The following GET4 variants were observed in gnomAD, a reference collection of about 807,000 sequenced individuals.
The protein encoded by GET4 is Golgi to ER traffic protein 4 homolog.
GET4 carries 20 observed loss-of-function variants against 40.0 expected under a neutral mutation model. The ratio of observed to expected loss-of-function variants is 0.50; its 90% confidence interval spans 0.35 to 0.73. GET4 has a LOEUF of 0.73. Ranked by LOEUF, GET4 falls within the 30% of genes least tolerant of loss-of-function variation. The pLI, the probability that GET4 is intolerant of heterozygous loss-of-function variation, is 0.01. For synonymous variants in GET4, 280 were observed against 194.6 expected (o/e 1.44, Z -3.65); for missense variants, 557 against 454.0 (o/e 1.23, Z -2.06).
chr7:889,806 C>T lies in GET4; in HGVS notation c.467-1122C>T, dbSNP rs1359445157. Among the ~76,000 whole-genome samples the T allele has an allele frequency of 3.5e-3, 119 of 33,578 alleles. 11 individuals are homozygous for T. Among genetic ancestry groups the T allele is most frequent in the African/African-American group, 0.018 (113 of 6,244 alleles). The allele number at this position is 33,578 out of a possible 152,430, so 22.0% of individuals were successfully genotyped here. On this transcript the variant is annotated intron_variant, in intron 4 of 8. Coordinates refer to ENST00000265857, the MANE Select transcript of GET4 (RefSeq NM_015949.3). ...GGCCTGGGAGTGGAGGGAGCGAGAG[C>T]GGGTGTTAGGACGGGGTCTGGGAGT...
chr7:882,842 T>C (rs1232485386), intron 1 of GET4: 2 of 152,272 alleles, frequency 1.3e-5, no homozygotes, highest in East Asian at 1.9e-4. Context: ...TATTTGTACA[T>C]TGGCATTTAG....
At chr7:886,789 C>T (rs1844197162) in intron 3 of GET4, 139 bp downstream of exon 3, 2 of 656,488 alleles carry the variant, frequency 3.0e-6, no homozygotes, top group East Asian at 5.4e-5. Flanking sequence ...GAGGCAGTTC[C>T]CACCCGGTCT....
intron 6 of GET4, among the ~76,000 whole-genome samples, chr7:893,101 A>G (rs1366373244): frequency 0.017 from 572 of 34,296 alleles, 2 homozygotes; most frequent in African/African-American, 0.033. Flanking sequence ...GGGCGTGGTG[A>G]TGTGTGCAGG....
At position 892,401 on chromosome 7, in the gene GET4, G is replaced by A; in HGVS notation, c.729G>A (p.Leu243=). ...VEPLLNFIWF[L]LLAVDGGKLT... ...CGCTGCTTAACTTCATCTGGTTCCT[G>A]CTGCTGGCTGTGGACGGGTGCGTCT... Residue 243 remains leucine, a synonymous_variant, in exon 6 of 9, where the codon CTG becomes CTA. Transcript: ENST00000265857. 3 of 1,589,988 alleles carry A rather than the reference G, an allele frequency of 1.9e-6. No individual in the cohort carries two copies. Among genetic ancestry groups the A allele is most frequent in the Non-Finnish European group, 2.6e-6 (3 of 1,160,516 alleles).
rs376992179 is a variant in GET4, at chr7:893,881, G to A, written c.823-18G>A. Reference sequence around the variant, plus strand: ...GTCTGGGTCCACCCCCTCTGAGCCCGCTGCCTGTGCCTTGCAGTACCTCGA... The same window carrying A: ...GTCTGGGTCCACCCCCTCTGAGCCCACTGCCTGTGCCTTGCAGTACCTCGA... On this transcript the variant is annotated intron_variant, in intron 7 of 8. Transcript: ENST00000265857. 1.5e-5 allele frequency: 24 copies of A among 1,611,764 alleles called. No individual in the cohort carries two copies. The highest frequency in any genetic ancestry group is 8.9e-5 in the East Asian group (4 of 44,854).
intron 6 of GET4, 160 bp downstream of exon 6, chr7:892,578 A>G (rs555069734): frequency 4.5e-6 from 3 of 668,184 alleles, no homozygotes; most frequent in African/African-American, 3.6e-5. Context: ...TAGACGTGGC[A>G]TAGGTGTGTG....
intron 4 of GET4, among the ~76,000 whole-genome samples, chr7:887,824 C>A (rs1032394202): frequency 6.6e-6 from 1 of 152,250 alleles, no homozygotes; most frequent in Non-Finnish European, 1.5e-5. Flanking sequence ...CTTTCTGGAA[C>A]ATTCTTTCCA....
rs546046704 is a variant in GET4 at position 882,359 on chromosome 7, G to A, written c.156-3697G>A. 101 of 152,444 alleles carry A rather than the reference G, an allele frequency of 6.6e-4. 2 individuals are homozygous for A. Among genetic ancestry groups the A allele is most frequent in the African/African-American group, 2.3e-3 (95 of 41,570 alleles). The allele number at this position is 152,444 out of a possible 1,614,324, so 9.4% of individuals were successfully genotyped here. A position where few individuals can be genotyped will look rare whatever the true frequency, so the allele number is the denominator to read the frequency against. On this transcript the variant is annotated intron_variant, in intron 1 of 8. Coordinates refer to ENST00000265857, the MANE Select transcript of GET4 (RefSeq NM_015949.3). ...ACAGCAGTTGAAGGTGAAGGAGAGG[G>A]AAGGAATTGGGAACCCAGCAGGTTG...
At chr7:884,410 G>A in intron 1 of GET4, 1 of 1,271,116 alleles carries the variant, frequency 7.9e-7, no homozygotes, top group Non-Finnish European at 1.0e-6. Flanking sequence ...TCTCCCTCCA[G>A]AACCTTCACT....
Position 895,551 on chromosome 7 carries a change from G to C in GET4, c.*129G>C. On this transcript the variant is annotated 3_prime_UTR_variant, in exon 9 of 9. Transcript: ENST00000265857. ...GCTGGCGGTGGCCGCATGCCGGCGC[G>C]TGTCTGTTTCTGTGCGGCGGCTCAG... The C allele has an allele frequency of 1.8e-6, 1 of 540,778 alleles. No homozygotes were observed. The highest frequency in any genetic ancestry group is 3.4e-6 in the Non-Finnish European group (1 of 298,294). 33.5% of individuals were successfully genotyped at this position (540,778 alleles called of 1,614,324 possible).
At chr7:876,923 C>T (rs1016116160) in intron 1 of GET4, 123 bp downstream of exon 1, 2 of 380,412 alleles carry the variant, frequency 5.3e-6, no homozygotes, top group Non-Finnish European at 7.4e-6. Flanking sequence ...CGAGCTGGAC[C>T]CAGGGGCCGC....
At chr7:878,688 C>A (rs1401643122) in intron 1 of GET4, among the ~76,000 whole-genome samples, 1 of 150,772 alleles carries the variant, frequency 6.6e-6, no homozygotes, top group South Asian at 2.1e-4. Context: ...AAGCTATATT[C>A]TCCTGCCTCA....
At chr7:884,371 C>G (rs940143518) in intron 1 of GET4, 3 of 1,301,808 alleles carry the variant, frequency 2.3e-6, no homozygotes, top group South Asian at 2.5e-5. Context: ...GTGGTCCTGT[C>G]GAGGCTCCTG....
chr7:879,010 C>G (rs1478369678), intron 1 of GET4, among the ~76,000 whole-genome samples: 4 of 152,062 alleles, frequency 2.6e-5, no homozygotes, highest in South Asian at 2.1e-4. Context: ...AGGGACCCAT[C>G]ACTCACATCG....
At chr7:880,445 T>A (rs775936542) in intron 1 of GET4, 1 of 152,244 alleles carries the variant, frequency 6.6e-6, no homozygotes, top group Non-Finnish European at 1.5e-5. Context: ...TGACGAGGGA[T>A]TTGTCAGTTT....
intron 1 of GET4, chr7:882,613 CGGGG>C (rs2128627028): frequency 6.7e-6 from 1 of 150,358 alleles, no homozygotes; most frequent in South Asian, 2.0e-4. Context: ...GACCTTGCCC[CGGGG>C]ATGGCGCGGG....
intron 1 of GET4, among the ~76,000 whole-genome samples, chr7:879,442 G>T (rs900876244): frequency 6.6e-6 from 1 of 152,226 alleles, no homozygotes; most frequent in African/African-American, 2.4e-5. Flanking sequence ...TAGCTGACCT[G>T]AACGGGCTGG....
intron 4 of GET4, among the ~76,000 whole-genome samples, chr7:888,309 C>G (rs1453361907): frequency 5.9e-5 from 9 of 151,912 alleles, no homozygotes; most frequent in Admixed American, 5.9e-4. Flanking sequence ...GGAGCAGCTG[C>G]ATGAGGGCCC....
Position 896,314 on chromosome 7 carries a change from A to AGTT in GET4, c.*895_*897dup, listed in dbSNP as rs1225393633. 6.6e-6 allele frequency: 1 copy of AGTT among 152,034 alleles called. No individual in the cohort carries two copies. The highest frequency in any genetic ancestry group is 1.5e-5 in the Non-Finnish European group (1 of 67,880). The allele number at this position is 152,034 out of a possible 1,614,324, so 9.4% of individuals were successfully genotyped here. A position where few individuals can be genotyped will look rare whatever the true frequency, so the allele number is the denominator to read the frequency against. ...CTCTATTTTTTCACAGTTAAATGAC[A>AGTT]GTTGTAGATTGATACGCAGTTGTGC... On this transcript the variant is annotated 3_prime_UTR_variant, in exon 9 of 9. Transcript: ENST00000265857.
Sources: allele counts gnomAD v4.1 joint callset (sites outside exome capture counted in the v4.1 genomes callset), GRCh38; gene constraint gnomAD v4.1.1; transcripts MANE v1.5; gene names NCBI Gene and HGNC (gene_info 2026-07-23, HGNC 2026-07-21).